The following TRIM67 variants were observed in gnomAD, a reference collection of about 807,000 sequenced individuals.
TRIM67 encodes the protein tripartite motif-containing protein 67.
Under a neutral mutation model 71.0 loss-of-function variants are expected in TRIM67, and 39 were observed. The observed-to-expected ratio is 0.55, with a 90% confidence interval of 0.43 to 0.72. TRIM67 has a LOEUF of 0.72. Among genes scored for constraint, TRIM67 ranks in the 30% least tolerant of loss-of-function variants. The pLI, the probability that TRIM67 is intolerant of heterozygous loss-of-function variation, is 0.00. For synonymous variants in TRIM67, 481 were observed against 473.9 expected, an observed-to-expected ratio of 1.01 and a Z score of -0.19; for missense variants, 973 against 1,079.2, an observed-to-expected ratio of 0.90 and a Z score of 1.38.
At chr1:231,210,025 T>C (rs1683824344) in intron 8 of TRIM67, among the ~76,000 whole-genome samples, 1 of 152,200 alleles carries the variant, frequency 6.6e-6, no homozygotes, top group Admixed American at 6.5e-5. Flanking sequence ...GCACCATAGC[T>C]CTGTACTCTT....
chr1:231,187,685 C>A, intron 1 of TRIM67: 1 of 954,906 alleles, frequency 1.0e-6, no homozygotes, highest in Admixed American at 2.7e-5. Context: ...CTGCAGGAGG[C>A]GGAGTGGGAG....
Position 231,218,980 on chromosome 1 carries a change from C to A in TRIM67, c.*3540C>A, listed in dbSNP as rs376842779. On this transcript the variant is annotated 3_prime_UTR_variant, in exon 10 of 10. Coordinates refer to ENST00000366653, the MANE Select transcript of TRIM67 (RefSeq NM_001004342.5). Reference sequence around the variant, plus strand: ...GGATATTTGCATTTAAGCCTTAATTCTCATTGCAAGCGAAAGGCTTGGTCC... The same window carrying A: ...GGATATTTGCATTTAAGCCTTAATTATCATTGCAAGCGAAAGGCTTGGTCC... 1 of 985,470 alleles carries A rather than the reference C, an allele frequency of 1.0e-6. No homozygotes were observed. Among genetic ancestry groups the A allele is most frequent in the Non-Finnish European group, 1.2e-6 (1 of 829,944 alleles). The allele number at this position is 985,470 out of a possible 1,614,324, so 61.0% of individuals were successfully genotyped here. A position where few individuals can be genotyped will look rare whatever the true frequency, so the allele number is the denominator to read the frequency against.
At chr1:231,173,672 G>A (rs188310261) in intron 1 of TRIM67, among the ~76,000 whole-genome samples, 5 of 152,290 alleles carry the variant, frequency 3.3e-5, no homozygotes, top group African/African-American at 4.8e-5. Flanking sequence ...AAGTGTACAG[G>A]GCCTGGCGGG....
intron 1 of TRIM67, among the ~76,000 whole-genome samples, chr1:231,188,850 C>T (rs1414555091): frequency 6.6e-6 from 1 of 152,196 alleles, no homozygotes; most frequent in Non-Finnish European, 1.5e-5. Flanking sequence ...GATCCTGTCC[C>T]ACCTCAGGAG....
intron 7 of TRIM67, 64 bp downstream of exon 7, chr1:231,206,854 A>T: frequency 6.8e-7 from 1 of 1,480,460 alleles, no homozygotes; most frequent in Non-Finnish European, 9.1e-7. Context: ...ACAACCAGAC[A>T]GCCACTTGTG....
chr1:231,189,842 A>G (rs961625866), intron 1 of TRIM67, among the ~76,000 whole-genome samples: 1 of 152,146 alleles, frequency 6.6e-6, no homozygotes, highest in Admixed American at 6.5e-5. Flanking sequence ...GCAAGCATTC[A>G]GACCATAGCA....
Position 231,185,597 on chromosome 1 carries a change from C to T in TRIM67, c.1045-11774C>T, listed in dbSNP as rs763276629. Among the ~76,000 whole-genome samples the T allele has an allele frequency of 5.9e-5, 9 of 151,824 alleles. No homozygotes were observed. In the East Asian group the frequency reaches 7.7e-4, roughly 13 times the overall value. ...ACCTTTGCCTAGGGGAGCCCAGACG[C>T]GTCCTGCCCTTTTGCAGCTCCCCAG... On this transcript the variant is annotated intron_variant, in intron 1 of 9. Coordinates refer to ENST00000366653, the MANE Select transcript of TRIM67 (RefSeq NM_001004342.5).
rs975477349 is a variant in TRIM67 at position 231,162,966 on chromosome 1, C to A, written c.-4C>A. 6.2e-7 allele frequency: 1 copy of A among 1,610,492 alleles called. No homozygotes were observed. Among genetic ancestry groups the A allele is most frequent in the African/African-American group, 1.3e-5 (1 of 74,820 alleles). On this transcript the variant is annotated 5_prime_UTR_variant, in exon 1 of 10. Coordinates refer to ENST00000366653, the MANE Select transcript of TRIM67 (RefSeq NM_001004342.5). Reference sequence around the variant, plus strand: ...GCAGAGCAGCGCTGGCAGCCGGCGCCGCGATGGAGGAAGAGCTGAAGTGTC... The same window carrying A: ...GCAGAGCAGCGCTGGCAGCCGGCGCAGCGATGGAGGAAGAGCTGAAGTGTC...
intron 5 of TRIM67, 149 bp from the exon 6 acceptor site, chr1:231,203,718 C>T (rs1214300707): frequency 4.7e-5 from 47 of 991,620 alleles, no homozygotes; most frequent in South Asian, 4.5e-4. Context: ...GACTCCTGGG[C>T]GTCTGGGAGT....
At chr1:231,172,543 A>G (rs1380864331) in intron 1 of TRIM67, among the ~76,000 whole-genome samples, 1 of 152,184 alleles carries the variant, frequency 6.6e-6, no homozygotes, top group Non-Finnish European at 1.5e-5. Flanking sequence ...GGGCAAGGTG[A>G]GCTGGGTTCT....
intron 1 of TRIM67, among the ~76,000 whole-genome samples, chr1:231,181,175 A>G (rs1682896595): frequency 6.6e-6 from 1 of 152,210 alleles, no homozygotes; most frequent in South Asian, 2.1e-4. Flanking sequence ...CACGTTGGCC[A>G]GGATGGTCTC....
rs554371818 is a variant in TRIM67 at position 231,197,235 on chromosome 1, C to T, written c.1045-136C>T. The stretch of plus-strand genomic sequence containing the variant: ...TAGAGATCATGGGTCAGTGGTGGTC[C>T]CTTCATCAATGAGAACAGCAGATGC... On this transcript the variant is annotated intron_variant, in intron 1 of 9. Transcript: ENST00000366653. 59 of 647,988 alleles carry T rather than the reference C, an allele frequency of 9.1e-5. No homozygotes were observed. In the African/African-American group the frequency reaches 9.8e-4, roughly 11 times the overall value. 40.1% of individuals were successfully genotyped at this position (647,988 alleles called of 1,614,324 possible).
intron 1 of TRIM67, among the ~76,000 whole-genome samples, chr1:231,175,529 C>T (rs1304658488): frequency 6.6e-6 from 1 of 152,194 alleles, no homozygotes; most frequent in African/African-American, 2.4e-5. Context: ...GGCCAGTTCC[C>T]ATAAGGGGAT....
At chr1:231,164,141 T>G in intron 1 of TRIM67, 128 bp downstream of exon 1, 1 of 1,161,492 alleles carries the variant, frequency 8.6e-7, no homozygotes, top group Non-Finnish European at 1.1e-6. Context: ...CCTCACTCAT[T>G]AGCCATTCAT....
chr1:231,178,932 C>T (rs1044587328), intron 1 of TRIM67, among the ~76,000 whole-genome samples: 4 of 152,138 alleles, frequency 2.6e-5, no homozygotes, highest in African/African-American at 7.2e-5. Context: ...CCCTTGTGTC[C>T]TAGAGAGCCC....
chr1:231,202,137 GA>G (rs1683557033), intron 5 of TRIM67, among the ~76,000 whole-genome samples: 1 of 139,848 alleles, frequency 7.2e-6, no homozygotes, highest in East Asian at 2.1e-4. Flanking sequence ...GGAGATGGAG[GA>G]GGAGGAAGAG....
At position 231,219,042 on chromosome 1, in the gene TRIM67, G is replaced by C. The variant is rs948087848; in HGVS notation, c.*3602G>C. The C allele has an allele frequency of 2.0e-6, 2 of 985,386 alleles. No individual in the cohort carries two copies. Among genetic ancestry groups the C allele is most frequent in the African/African-American group, 3.5e-5 (2 of 57,238 alleles). The allele number at this position is 985,386 out of a possible 1,614,324, so 61.0% of individuals were successfully genotyped here. ...CGGGTTTCGGCACCGGTGGGCAGGT[G>C]GTTCAGTGTCAAGGAGGCTGCTGCT... On this transcript the variant is annotated 3_prime_UTR_variant, in exon 10 of 10. Coordinates refer to ENST00000366653, the MANE Select transcript of TRIM67 (RefSeq NM_001004342.5).
rs888252800 is a variant in TRIM67 at position 231,216,360 on chromosome 1, G to A, written c.*920G>A. ...CTCAGTTCTTAGTTCTTAAATCCAC[G>A]TGAAAACACAAGAATTTTAACAACT... On this transcript the variant is annotated 3_prime_UTR_variant, in exon 10 of 10. Coordinates refer to ENST00000366653, the MANE Select transcript of TRIM67 (RefSeq NM_001004342.5). 17 of 985,162 alleles carry A rather than the reference G, an allele frequency of 1.7e-5. No homozygotes were observed. Among genetic ancestry groups the A allele is most frequent in the African/African-American group, 1.4e-4 (8 of 57,178 alleles). 61.0% of individuals were successfully genotyped at this position (985,162 alleles called of 1,614,324 possible). A position where few individuals can be genotyped will look rare whatever the true frequency, so the allele number is the denominator to read the frequency against.
chr1:231,214,879 C>A (rs371449978), intron 9 of TRIM67, among the ~76,000 whole-genome samples: 1 of 151,852 alleles, frequency 6.6e-6, no homozygotes, highest in Non-Finnish European at 1.5e-5. Context: ...GCAGGAGAAT[C>A]GCTTGAGCCC....
Sources: gnomAD v4.1 joint callset for allele counts (sites outside exome capture counted in the v4.1 genomes callset) on GRCh38, gnomAD v4.1.1 for gene constraint, MANE v1.5 for transcripts, NCBI Gene and HGNC (gene_info 2026-07-23, HGNC 2026-07-21) for gene names.